Variants in CSMD1 observed in about 807,000 individuals in gnomAD.
CSMD1 encodes the protein CUB and Sushi multiple domains 1, also known as CUB and sushi domain-containing protein 1.
A neutral mutation model predicts 417.5 loss-of-function variants in CSMD1; 213 were observed. The ratio of observed to expected loss-of-function variants is 0.51; its 90% CI spans 0.46 to 0.57. The LOEUF is 0.57. CSMD1 is among the 20% of genes least tolerant of loss of function. The probability of loss-of-function intolerance (pLI) is 0.00; values close to 1 mark genes in which losing one functional copy is unlikely to be tolerated. For missense variants in CSMD1, 6,923 were observed against 4,529.7 expected (o/e 1.53, Z -15.17); for synonymous variants, 2,862 against 1,736.8 (o/e 1.65, Z -16.11).
intron 15 of CSMD1, among the ~76,000 whole-genome samples, chr8:3,400,871 T>C (rs141279907): frequency 2.6e-5 from 4 of 151,502 alleles, no homozygotes; most frequent in African/African-American, 4.8e-5. Context: ...CATTATTCTG[T>C]AGTTTAAAAA....
chr8:3,906,870 T>G (rs1306089706), intron 5 of CSMD1, among the ~76,000 whole-genome samples: 1 of 152,162 alleles, frequency 6.6e-6, no homozygotes, highest in Non-Finnish European at 1.5e-5. Flanking sequence ...AGTAAAAGTA[T>G]TAGTACCAAG....
intron 2 of CSMD1, among the ~76,000 whole-genome samples, chr8:4,524,748 A>T (rs570402575): frequency 2.2e-4 from 34 of 152,268 alleles, no homozygotes; most frequent in African/African-American, 7.9e-4. Flanking sequence ...CAAACAAATT[A>T]TCATACATGA....
chr8:4,942,817 G>C (rs115652377), intron 1 of CSMD1, among the ~76,000 whole-genome samples: 2,804 of 152,312 alleles, frequency 0.018, 70 homozygotes, highest in African/African-American at 0.062. Flanking sequence ...ATGAAGCTGT[G>C]ATAATAGGTG....
chr8:3,682,064 G>A (rs371881320), intron 7 of CSMD1, among the ~76,000 whole-genome samples: 1 of 152,142 alleles, frequency 6.6e-6, no homozygotes, highest in Non-Finnish European at 1.5e-5. Flanking sequence ...AGACTTAAAT[G>A]TTAGACCTAA....
chr8:4,445,650 G>C (rs780982575), intron 2 of CSMD1, among the ~76,000 whole-genome samples: 1 of 152,144 alleles, frequency 6.6e-6, no homozygotes, highest in East Asian at 1.9e-4. Flanking sequence ...GGAAAGTAAG[G>C]TTATTGAAGC....
chr8:4,982,421 T>C (rs1401626561), intron 1 of CSMD1, among the ~76,000 whole-genome samples: 1 of 152,210 alleles, frequency 6.6e-6, no homozygotes, highest in Non-Finnish European at 1.5e-5. Flanking sequence ...TATAAAATTA[T>C]CTTGCTACAA....
In CSMD1 at chr8:4,855,341, C is replaced by T. The variant is rs573222376; in HGVS notation, c.85+138991G>A. Among the ~76,000 whole-genome samples the T allele has an allele frequency of 1.8e-4, 27 of 152,216 alleles. No homozygotes were observed. In the South Asian group the frequency reaches 5.4e-3, roughly 30 times the overall value. ...AAACAGAACAGAAAAACTGGAAACT[C>T]CAAAAAGCAGAGCGCCTCTCCTCCT... On this transcript the variant is annotated intron_variant, in intron 1 of 69. Coordinates refer to ENST00000635120, the MANE Select transcript of CSMD1 (RefSeq NM_033225.6).
At chr8:4,180,274 G>T (rs1035669693) in intron 3 of CSMD1, among the ~76,000 whole-genome samples, 8 of 152,018 alleles carry the variant, frequency 5.3e-5, no homozygotes, top group Admixed American at 3.9e-4. Context: ...CATGTCCTTT[G>T]TAGGGATATG....
chr8:3,207,956 C>T (rs1000570498), intron 30 of CSMD1, among the ~76,000 whole-genome samples: 2 of 152,210 alleles, frequency 1.3e-5, no homozygotes, highest in East Asian at 1.9e-4. Flanking sequence ...GCATCACTCA[C>T]TCTACCAACG....
intron 3 of CSMD1, among the ~76,000 whole-genome samples, chr8:4,291,684 T>G (rs1324335851): frequency 6.6e-6 from 1 of 152,198 alleles, no homozygotes; most frequent in African/African-American, 2.4e-5. Flanking sequence ...ACAAAATTCT[T>G]TATTCAACGG....
chr8:4,926,955 A>G (rs563394902), intron 1 of CSMD1, among the ~76,000 whole-genome samples: 1 of 152,126 alleles, frequency 6.6e-6, no homozygotes, highest in African/African-American at 2.4e-5. Flanking sequence ...TTTAAAACTA[A>G]AAAGCATTCA....
rs759684659 is a variant in CSMD1, at chr8:3,118,380, T to C, written c.6430+19A>G. On this transcript the variant is annotated intron_variant, in intron 42 of 69. Coordinates refer to ENST00000635120, the MANE Select transcript of CSMD1 (RefSeq NM_033225.6). ...CCCATGAAACATTAAATCGCCCCCA[T>C]GCAAAGTGATGAACTTACCATCACA... 6.3e-7 allele frequency: 1 copy of C among 1,584,068 alleles called. No individual in the cohort carries two copies. The highest frequency in any genetic ancestry group is 1.1e-5 in the South Asian group (1 of 88,938).
intron 2 of CSMD1, among the ~76,000 whole-genome samples, chr8:4,492,077 G>T (rs892082676): frequency 1.3e-5 from 2 of 151,544 alleles, no homozygotes; most frequent in Admixed American, 1.3e-4. Flanking sequence ...GACACAAAAA[G>T]ACATGAAGAA....
intron 16 of CSMD1, among the ~76,000 whole-genome samples, chr8:3,397,331 G>T (rs554381775): frequency 6.9e-4 from 105 of 152,238 alleles, no homozygotes; most frequent in African/African-American, 2.4e-3. Context: ...TTGGGAGAGG[G>T]GAAGCAATCT....
intron 5 of CSMD1, among the ~76,000 whole-genome samples, chr8:3,821,636 G>T (rs1801742589): frequency 6.6e-6 from 1 of 152,126 alleles, no homozygotes; most frequent in South Asian, 2.1e-4. Context: ...ACAAAAATTA[G>T]CCGGGCATGG....
intron 2 of CSMD1, among the ~76,000 whole-genome samples, chr8:4,604,071 C>T (rs375980114): frequency 2.6e-5 from 4 of 151,984 alleles, no homozygotes; most frequent in East Asian, 3.9e-4. Context: ...TACTCATCAA[C>T]TTAGTTGTTA....
chr8:4,722,506 G>C (rs1335860414), intron 1 of CSMD1, among the ~76,000 whole-genome samples: 1 of 151,976 alleles, frequency 6.6e-6, no homozygotes, highest in Non-Finnish European at 1.5e-5. Flanking sequence ...GACTTGGGAG[G>C]ATTGCTGATT....
intron 25 of CSMD1, among the ~76,000 whole-genome samples, chr8:3,307,112 A>G (rs542014463): frequency 1.3e-4 from 20 of 152,170 alleles, no homozygotes; most frequent in African/African-American, 4.8e-4. Context: ...TTCCTATTAA[A>G]AGAACAGTAG....
At chr8:3,352,264 G>C (rs1201473533) in intron 21 of CSMD1, among the ~76,000 whole-genome samples, 6 of 152,158 alleles carry the variant, frequency 3.9e-5, no homozygotes, top group African/African-American at 7.2e-5. Context: ...GGAACTATGG[G>C]AGATGGGATT....
Sources: allele counts gnomAD v4.1 joint callset (sites outside exome capture counted in the v4.1 genomes callset), GRCh38; gene constraint gnomAD v4.1.1; transcripts MANE v1.5; gene names NCBI Gene and HGNC (gene_info 2026-07-23, HGNC 2026-07-21).